MACF1: variants seen among roughly 807,000 people sequenced by gnomAD.
The protein encoded by MACF1 is microtubule-actin cross-linking factor 1.
In MACF1, 193 loss-of-function variants were observed where a neutral mutation model predicts 854.8. The observed-to-expected ratio is 0.23, with a 90% confidence interval of 0.20 to 0.25. The LOEUF is 0.25. MACF1 is among the 10% of genes least tolerant of loss of function. The pLI, the probability that MACF1 is intolerant of heterozygous loss-of-function variation, is 1.00. For missense variants in MACF1, 7,722 were observed against 8,929.1 expected, an observed-to-expected ratio of 0.86 and a Z score of 5.45; for synonymous variants, 3,185 against 3,226.7, an observed-to-expected ratio of 0.99 and a Z score of 0.44.
intron 66 of MACF1, among the ~76,000 whole-genome samples, chr1:39,432,048 T>C (rs1284063737): frequency 6.6e-6 from 1 of 152,206 alleles, no homozygotes; most frequent in African/African-American, 2.4e-5. Context: ...ATGTTCTTGG[T>C]TTTCGTTATT....
chr1:39,379,324 C>T lies in MACF1; in HGVS notation c.13398C>T (p.His4466=), dbSNP rs1649986925. 1 of 1,613,978 alleles carries T rather than the reference C, an allele frequency of 6.2e-7. No homozygotes were observed. The highest frequency in any genetic ancestry group is 1.7e-5 in the Admixed American group (1 of 59,976). ...QAILNRMEEV[H]KEANSVLQWL... is the part of the protein sequence containing the mutation. The stretch of plus-strand genomic sequence containing the variant: ...TCCTCAACAGAATGGAGGAGGTTCA[C>T]AAGGAGGCAAACTCTGTGCTGCAGT... Residue 4466 remains histidine (H), a synonymous_variant, in exon 54 of 101, where the codon CAC becomes CAT. Coordinates refer to ENST00000564288, the MANE Select transcript of MACF1 (RefSeq NM_001394062.1).
At chr1:39,474,118 G>C (rs1266507740) in intron 97 of MACF1, among the ~76,000 whole-genome samples, 2 of 152,152 alleles carry the variant, frequency 1.3e-5, no homozygotes, top group African/African-American at 2.4e-5. Context: ...GCCGGGTGCA[G>C]CAGCTCATGC....
chr1:39,310,541 A>T (rs1446356817), intron 25 of MACF1, 113 bp downstream of exon 25: 14 of 1,148,050 alleles, frequency 1.2e-5, no homozygotes, highest in Non-Finnish European at 1.6e-5. Flanking sequence ...TTTCCATTTG[A>T]GTAGCTACGA....
chr1:39,259,904 A>C (rs951258999), intron 6 of MACF1, among the ~76,000 whole-genome samples: 5 of 152,208 alleles, frequency 3.3e-5, no homozygotes. Flanking sequence ...GGCGTGAGCC[A>C]CCGTGCCCGG....
intron 58 of MACF1, chr1:39,411,584 A>G (rs780772771): frequency 6.2e-7 from 1 of 1,613,856 alleles, no homozygotes; most frequent in Non-Finnish European, 8.5e-7. Context: ...CAGGGGTTAG[A>G]GGGACTTGTT....
Position 39,361,392 on chromosome 1 carries a change from C to G in MACF1, c.12486C>G (p.Ser4162Arg). The change falls in exon 49 of 101, where the codon AGC becomes AGG. Residue 4162 changes from serine (S) to arginine (R), a missense_variant. Ser to Arg is a moderately radical substitution (Grantham distance 110). Around this residue, in one of 15 missense-constraint regions of MACF1, gnomAD observed 2,807 missense variants for 3,235.8 expected, o/e 0.87. Coordinates refer to ENST00000564288, the MANE Select transcript of MACF1 (RefSeq NM_001394062.1). The part of the protein sequence containing the change: ...KLKQDIARQK[S>R]SLEATREMVT... The stretch of plus-strand genomic sequence containing the variant: ...AGCAGGACATTGCTCGGCAAAAGAG[C>G]AGCTTGGAGGCCACCCGTGAGATGG... 1 of 1,613,612 alleles carries G rather than the reference C, an allele frequency of 6.2e-7. No individual in the cohort carries two copies. Among genetic ancestry groups the G allele is most frequent in the Non-Finnish European group, 8.5e-7 (1 of 1,179,704 alleles).
rs202063655 is a variant in MACF1, at chr1:39,118,193, CCTA to C, written c.220+33760_220+33762del. The stretch of plus-strand genomic sequence containing the variant: ...GTAACTTGAGAAAATTTATTCCAGA[CCTA>C]CTACAAACATTCGTGTGCTCACAAG... On this transcript the variant is annotated intron_variant, in intron 2 of 93. Coordinates refer to the MACF1 transcript ENST00000361689. 6.5e-3 allele frequency among the ~76,000 whole-genome samples: 995 copies of C among 152,338 alleles called. 17 individuals carry two copies. The highest frequency in any genetic ancestry group is 0.022 in the African/African-American group (909 of 41,576).
rs528474720 is a variant in MACF1 at position 39,188,249 on chromosome 1, G to A, written c.221-42933G>A. Among the ~76,000 whole-genome samples the A allele has an allele frequency of 3.3e-5, 5 of 152,020 alleles. No individual in the cohort carries two copies. In the East Asian group the frequency reaches 9.7e-4, roughly 30 times the overall value. The stretch of plus-strand genomic sequence containing the variant: ...GCCCAGGAGTTCAAGACTAGCCTGG[G>A]CAACCCCATCTGTACAAAAAATTAC... On this transcript the variant is annotated intron_variant, in intron 2 of 93. Coordinates refer to the MACF1 transcript ENST00000361689.
chr1:39,213,392 C>T (rs1005158503), intron 1 of MACF1, among the ~76,000 whole-genome samples: 1 of 152,106 alleles, frequency 6.6e-6, no homozygotes, highest in Admixed American at 6.5e-5. Context: ...AGTGCAGTGG[C>T]ACAATCTCGG....
rs774259230 is a variant in MACF1, at chr1:39,435,603, C to G, written c.17830C>G (p.Leu5944Val). The change falls in exon 70 of 101, where the codon CTA becomes GTA. Residue 5944 changes from leucine to valine, a missense_variant. Transcript: ENST00000564288. ...IAEHKPHIDK[L>V]LKIGPQLKEL... is the part of the protein sequence containing the mutation. ...TGAACACAAACCTCATATTGACAAA[C>G]TACTAAAGATAGGCCCACAACTAAA... 6.2e-7 allele frequency: 1 copy of G among 1,614,098 alleles called. No homozygotes were observed. Among genetic ancestry groups the G allele is most frequent in the South Asian group, 1.1e-5 (1 of 91,072 alleles).
Position 39,334,031 on chromosome 1 carries a change from G to A in MACF1, c.7443G>A (p.Val2481=), listed in dbSNP as rs1646771381. 1.2e-6 allele frequency: 2 copies of A among 1,614,068 alleles called. No individual in the cohort carries two copies. The highest frequency in any genetic ancestry group is 1.1e-5 in the South Asian group (1 of 91,082). ...DPDSKAPLTV[V]QSIDRGLLER... is the part of the protein sequence containing the mutation. ...ATAGTAAAGCACCTTTAACAGTTGT[G>A]CAGTCCATTGACAGAGGTCTTTTGG... Residue 2481 remains valine, a synonymous_variant, in exon 37 of 101, where the codon GTG becomes GTA. Transcript: ENST00000564288.
chr1:39,117,080 A>G (rs1642566763), intron 2 of MACF1, among the ~76,000 whole-genome samples: 1 of 152,130 alleles, frequency 6.6e-6, no homozygotes, highest in African/African-American at 2.4e-5. Flanking sequence ...AATGAAGGAG[A>G]TAGATTTGTT....
At chr1:39,433,250 T>TTAA in intron 68 of MACF1, 95 bp downstream of exon 68, 1 of 671,422 alleles carries the variant, frequency 1.5e-6, no homozygotes, top group Non-Finnish European at 2.5e-6. Flanking sequence ...GCTTTTTCCC[T>TTAA]CCTGGACTTT....
intron 2 of MACF1, among the ~76,000 whole-genome samples, chr1:39,139,410 C>T (rs983466524): frequency 3.3e-5 from 5 of 151,914 alleles, no homozygotes; most frequent in South Asian, 2.1e-4. Context: ...GTGTCCCCTA[C>T]CACGTCCAGC....
Position 39,388,463 on chromosome 1 carries a change from A to C in MACF1, c.15621A>C (p.Lys5207Asn). The C allele has an allele frequency of 6.2e-7, 1 of 1,614,154 alleles. No homozygotes were observed. ...GLKRELEALN[K>N]QCGKLTERGK... ...AAAGGGAGCTAGAAGCCCTGAACAA[A>C]CAGTGTGGCAAACTGACAGAGAGGG... Residue 5207 changes from lysine (K) to asparagine (N), a missense_variant, in exon 58 of 101, where the codon AAA (lysine) becomes AAC (asparagine). By Grantham distance (94) the Lys-to-Asn change is moderately conservative. Around this residue, in one of 15 missense-constraint regions of MACF1, gnomAD observed 2,807 missense variants for 3,235.8 expected, o/e 0.87. Transcript: ENST00000564288.
chr1:39,337,601 TGTC>T (rs1646837454), intron 38 of MACF1, among the ~76,000 whole-genome samples: 1 of 138,958 alleles, frequency 7.2e-6, no homozygotes, highest in Non-Finnish European at 1.5e-5. Context: ...AGTCTTGCTC[TGTC>T]ACCCAGGGTG....
intron 58 of MACF1, chr1:39,414,542 G>T: frequency 6.3e-7 from 1 of 1,595,136 alleles, no homozygotes; most frequent in South Asian, 1.1e-5. Context: ...GGGCTGACCT[G>T]GTGGTGATGA....
intron 70 of MACF1, chr1:39,436,483 T>C: frequency 6.2e-7 from 1 of 1,614,048 alleles, no homozygotes; most frequent in Non-Finnish European, 8.5e-7. Flanking sequence ...CCATTACAGA[T>C]TACAGAGGTA....
At chr1:39,207,916 C>T (rs1323730559) in intron 1 of MACF1, among the ~76,000 whole-genome samples, 1 of 151,564 alleles carries the variant, frequency 6.6e-6, no homozygotes, top group African/African-American at 2.4e-5. Flanking sequence ...GGTGGATCAC[C>T]TGAGGTCAGG....
Sources: allele counts gnomAD v4.1 joint callset (sites outside exome capture counted in the v4.1 genomes callset), GRCh38; gene constraint gnomAD v4.1.1; regional missense constraint gnomAD v4.1.1; transcripts MANE v1.5; gene names NCBI Gene and HGNC (gene_info 2026-07-23, HGNC 2026-07-21).